NCR1: variants seen among roughly 807,000 people sequenced by gnomAD.
The protein encoded by NCR1 is natural cytotoxicity triggering receptor 1, also known as NK cell-activating receptor.
Under a neutral mutation model 32.5 loss-of-function variants are expected in NCR1, and 30 were observed. That is an observed-to-expected ratio of 0.92 (90% CI 0.69 to 1.25). NCR1 has a LOEUF of 1.25. Ranked by LOEUF, NCR1 falls within the 50% of genes most tolerant of loss-of-function variation. The pLI is 0.00. For missense variants in NCR1, 369 were observed against 380.7 expected (o/e 0.97, Z 0.26); for synonymous variants, 169 against 143.4 (o/e 1.18, Z -1.28).
the NCR1 span, among the ~76,000 whole-genome samples, chr19:54,900,560 G>T: frequency 6.6e-6 from 1 of 152,092 alleles, no homozygotes; most frequent in African/African-American, 2.4e-5. Flanking sequence ...AGGCCACAGG[G>T]GGATATGATG....
At chr19:54,928,083 G>A in the NCR1 span, among the ~76,000 whole-genome samples, 1 of 152,090 alleles carries the variant, frequency 6.6e-6, no homozygotes, top group African/African-American at 2.4e-5. Flanking sequence ...AGCCATGCAT[G>A]GTGGTGTGTG....
chr19:54,929,054 T>C, the NCR1 span, among the ~76,000 whole-genome samples: 3 of 152,134 alleles, frequency 2.0e-5, no homozygotes, highest in African/African-American at 4.8e-5. Context: ...GCTTGAAATA[T>C]TCCTCAGGGG....
chr19:54,934,872 T>C, the NCR1 span, among the ~76,000 whole-genome samples: 4 of 152,060 alleles, frequency 2.6e-5, no homozygotes, highest in Admixed American at 6.6e-5. The surrounding 1 kb of genome is among the most constrained non-coding windows in gnomAD (Gnocchi z 6.7). Context: ...AATTTTTGTA[T>C]TTTTAGTAGA....
At chr19:54,899,473 C>T in the NCR1 span, among the ~76,000 whole-genome samples, 6 of 151,580 alleles carry the variant, frequency 4.0e-5, no homozygotes, top group African/African-American at 9.7e-5. Flanking sequence ...TCCAGAAAAG[C>T]GGGAAAGGGG....
rs371446960 is a variant in NCR1, at chr19:54,909,297, G to A, written c.408G>A (p.Ser136=). The change falls in exon 4 of 7, where the codon TCG becomes TCA. Residue 136 remains serine (S), a synonymous_variant. Coordinates refer to ENST00000291890, the MANE Select transcript of NCR1 (RefSeq NM_004829.7). ...LSVHPGPEVI[S]GEKVTFYCRL... is the part of the protein sequence containing the mutation. ...TTCATCCTGGACCCGAAGTGATCTC[G>A]GGAGAGAAGGTGACCTTCTACTGCC... is the stretch of plus-strand genomic sequence containing the variant. The A allele has an allele frequency of 5.1e-5, 83 of 1,613,960 alleles. No homozygotes were observed. Among genetic ancestry groups the A allele is most frequent in the Middle Eastern group, 1.6e-4 (1 of 6,084 alleles).
the NCR1 span, among the ~76,000 whole-genome samples, chr19:54,899,034 T>C: frequency 6.6e-6 from 1 of 151,980 alleles, no homozygotes; most frequent in Middle Eastern, 3.4e-3. Flanking sequence ...CAGCGATGCT[T>C]GGGGTTGGGA....
At chr19:54,928,120 T>C in the NCR1 span, among the ~76,000 whole-genome samples, 5 of 152,104 alleles carry the variant, frequency 3.3e-5, no homozygotes, top group Admixed American at 2.6e-4. Flanking sequence ...CTTGGGAGGC[T>C]GAGGCACAAG....
At chr19:54,920,105 C>T (rs2068218935), downstream of NCR1, among the ~76,000 whole-genome samples, 4 of 152,124 alleles carry the variant, frequency 2.6e-5, no homozygotes, top group South Asian at 8.3e-4. Flanking sequence ...TTTTATTATA[C>T]TGGAACAGCT....
the NCR1 span, among the ~76,000 whole-genome samples, chr19:54,924,924 G>A: frequency 0.068 from 10,323 of 152,188 alleles, 1,088 homozygotes; most frequent in African/African-American, 0.23. Flanking sequence ...GTGACAGAGC[G>A]AGACTCTGCC....
At chr19:54,927,874 T>G in the NCR1 span, 1 of 1,029,712 alleles carries the variant, frequency 9.7e-7, no homozygotes, top group Non-Finnish European at 1.5e-6. Context: ...GGTGGATCAC[T>G]TGAGGCCAGG....
chr19:54,918,476 C>T (rs1438311699), downstream of NCR1, among the ~76,000 whole-genome samples: 1 of 152,030 alleles, frequency 6.6e-6, no homozygotes, highest in African/African-American at 2.4e-5. Context: ...GTTTCACCAT[C>T]TTGGTCAGGA....
At chr19:54,912,280 G>GA in intron 6 of NCR1, 62 bp downstream of exon 6, 1 of 1,510,716 alleles carries the variant, frequency 6.6e-7, no homozygotes, top group Admixed American at 1.7e-5. Context: ...GTAGACCTAG[G>GA]AAGGGAATCT....
the NCR1 span, among the ~76,000 whole-genome samples, chr19:54,933,391 C>G: frequency 6.6e-6 from 1 of 152,084 alleles, no homozygotes; most frequent in East Asian, 1.9e-4. Context: ...ATGATCCACC[C>G]GCCTCGGCCT....
At chr19:54,901,765 C>G (rs972016899), upstream of NCR1, among the ~76,000 whole-genome samples, 4 of 152,122 alleles carry the variant, frequency 2.6e-5, no homozygotes, top group Non-Finnish European at 5.9e-5. Context: ...TTCAGGAGTT[C>G]AAAACCAGCC....
chr19:54,904,531 C>CTTTTTTT, upstream of NCR1, among the ~76,000 whole-genome samples: 1 of 118,994 alleles, frequency 8.4e-6, no homozygotes. Flanking sequence ...GTTTTCTTTT[C>CTTTTTTT]TTTTTTTTTT....
chr19:54,938,004 ATCGT>A, the NCR1 span: 1 of 1,491,082 alleles, frequency 6.7e-7, no homozygotes, highest in African/African-American at 1.4e-5. Context: ...AAGCTTAGTC[ATCGT>A]TCAGGGTCTT....
At chr19:54,903,546 ATG>A (rs587610480), upstream of NCR1, among the ~76,000 whole-genome samples, 32 of 133,820 alleles carry the variant, frequency 2.4e-4, 3 homozygotes, top group East Asian at 1.2e-3. Flanking sequence ...GCATGTATGC[ATG>A]TGTGTATATA....
At chr19:54,936,133 G>A in the NCR1 span, 151,699 of 803,232 alleles carry the variant, frequency 0.19, 14,969 homozygotes, top group South Asian at 0.22. Flanking sequence ...CCCCCACACA[G>A]GCCTGTTTGA....
At chr19:54,906,033 G>A (rs1198625208), upstream of NCR1, 4 of 854,350 alleles carry the variant, frequency 4.7e-6, no homozygotes, top group South Asian at 1.5e-5. Context: ...GGTCAGAGGC[G>A]GAGGGGAGTT....
Sources: gnomAD v4.1 joint callset for allele counts (sites outside exome capture counted in the v4.1 genomes callset) on GRCh38, gnomAD v4.1.1 for gene constraint, Gnocchi (gnomAD v3.1) non-coding constraint, MANE v1.5 for transcripts, NCBI Gene and HGNC (gene_info 2026-07-23, HGNC 2026-07-21) for gene names.